SETDB1: variants seen among roughly 807,000 people sequenced by gnomAD.
SETDB1 encodes the protein histone-lysine N-methyltransferase SETDB1.
Under a neutral mutation model 137.4 loss-of-function variants are expected in SETDB1, and 31 were observed. The observed-to-expected ratio is 0.23, with a 90% confidence interval of 0.17 to 0.30. The LOEUF is 0.30. Ranked by LOEUF, SETDB1 falls within the 10% of genes least tolerant of loss-of-function variation. SETDB1 has a pLI of 1.00. For synonymous variants in SETDB1, 548 were observed against 579.9 expected (o/e 0.95, Z 0.79); for missense variants, 1,113 against 1,631.5 (o/e 0.68, Z 5.47).
chr1:150,947,963 G>A (rs948827645), intron 10 of SETDB1, among the ~76,000 whole-genome samples: 11 of 152,040 alleles, frequency 7.2e-5, no homozygotes, highest in Non-Finnish European at 1.3e-4. Flanking sequence ...CCAGCATGGT[G>A]GCTCGTGTCT....
rs752257291 is a variant in SETDB1, at chr1:150,942,644, C to T, written c.629C>T (p.Thr210Ile). ...ATGCGAATTCTGGGCAAGAAGAGAA[C>T]TAAGACTTGGCACAAAGGCACCCTT... ...VSMRILGKKR[T>I]KTWHKGTLIA... The change falls in exon 6 of 22, where the codon ACT (threonine) becomes ATT (isoleucine). Residue 210 changes from threonine (T) to isoleucine (I), a missense_variant. By Grantham distance (89) the Thr-to-Ile change is moderately conservative. This residue lies in a region of SETDB1 where 154 missense variants were observed against 303.1 expected (regional missense o/e 0.51). Coordinates refer to ENST00000692827, the MANE Select transcript of SETDB1 (RefSeq NM_001366418.1). The T allele has an allele frequency of 1.2e-6, 2 of 1,613,928 alleles. No homozygotes were observed. Among genetic ancestry groups the T allele is most frequent in the Non-Finnish European group, 1.7e-6 (2 of 1,179,956 alleles).
intron 3 of SETDB1, among the ~76,000 whole-genome samples, chr1:150,937,962 GC>G (rs1252140496): frequency 6.6e-6 from 1 of 152,142 alleles, no homozygotes; most frequent in East Asian, 1.9e-4. Context: ...AGTCACGGTG[GC>G]TCATGCCTGT....
intron 3 of SETDB1, among the ~76,000 whole-genome samples, chr1:150,931,371 G>A (rs1669739656): frequency 6.6e-6 from 1 of 151,300 alleles, no homozygotes; most frequent in Non-Finnish European, 1.5e-5. Flanking sequence ...GGATCATGAG[G>A]TCAGGAGATC....
At position 150,963,793 on chromosome 1, in the gene SETDB1, ATTTCT is replaced by A. The variant is rs766267735; in HGVS notation, c.3672+56_3672+60del. The A allele has an allele frequency of 1.2e-5, 18 of 1,560,266 alleles. No individual in the cohort carries two copies. In the South Asian group the frequency reaches 1.8e-4, roughly 15 times the overall value. On this transcript the variant is annotated intron_variant, in intron 20 of 21. Coordinates refer to ENST00000692827, the MANE Select transcript of SETDB1 (RefSeq NM_001366418.1). ...TGCTGGATTATCCCATGGTCCTCAGATTTCTTTTAACATACTCTATAAGCCCTTTT... is the reference window on the plus strand; with the variant it reads ...TGCTGGATTATCCCATGGTCCTCAGATTTAACATACTCTATAAGCCCTTTT...
At chr1:150,931,284 G>T (rs1412170091) in intron 3 of SETDB1, among the ~76,000 whole-genome samples, 2 of 80,912 alleles carry the variant, frequency 2.5e-5, no homozygotes, top group African/African-American at 8.0e-5. Context: ...AAAAAAAAGG[G>T]TTTCCAGAAC....
rs1669578483 is a variant in SETDB1, at chr1:150,927,739, G to A, written c.25G>A (p.Gly9Ser). 6.2e-7 allele frequency: 1 copy of A among 1,613,960 alleles called. No individual in the cohort carries two copies. The highest frequency in any genetic ancestry group is 1.3e-5 in the African/African-American group (1 of 74,936). MSSLPGCI[G>S]LDAATATVES... is the part of the protein sequence containing the mutation. ...CATGTCTTCCCTTCCTGGGTGCATT[G>A]GTTTGGATGCAGCAACAGCTACAGT... The change falls in exon 2 of 22, where the codon GGT (glycine) becomes AGT (serine). Residue 9 changes from glycine (G) to serine (S), a missense_variant. Physicochemically the swap from Gly to Ser is moderately conservative, Grantham distance 56. Around this residue, in one of 11 missense-constraint regions of SETDB1, gnomAD observed 32 missense variants for 26.3 expected, o/e 1.22. Transcript: ENST00000692827.
chr1:150,961,057 G>C lies in SETDB1; in HGVS notation c.2998G>C (p.Asp1000His). The C allele has an allele frequency of 1.4e-6, 2 of 1,472,194 alleles. No homozygotes were observed. Among genetic ancestry groups the C allele is most frequent in the Middle Eastern group, 1.9e-4 (1 of 5,340 alleles). 91.2% of individuals were successfully genotyped at this position (1,472,194 alleles called of 1,614,324 possible). Residue 1000 changes from aspartate to histidine, a missense_variant, in exon 16 of 22, where the codon GAT (aspartate) becomes CAT (histidine). Coordinates refer to ENST00000692827, the MANE Select transcript of SETDB1 (RefSeq NM_001366418.1). ...CAGTGAAGGTGGTTTTGCTGACTCT[G>C]ATAGCCATTCATCCTTCAAGACTAA... ...SVSEGGFADSDSHSSFKTNEG... is the reference protein window; with the variant it reads ...SVSEGGFADSHSHSSFKTNEG...
Position 150,941,180 on chromosome 1 carries a change from G to A in SETDB1, c.448-149G>A, listed in dbSNP as rs1670138575. ...CTCCATATCAAAAAAAAAGAGTAAG[G>A]GCAGCTTTGCCAGATAAAGTAACCA... On this transcript the variant is annotated intron_variant, in intron 4 of 21. Coordinates refer to ENST00000692827, the MANE Select transcript of SETDB1 (RefSeq NM_001366418.1). The A allele has an allele frequency of 7.2e-6, 4 of 554,994 alleles. No homozygotes were observed. In the South Asian group the frequency reaches 8.8e-5, roughly 12 times the overall value. The allele number at this position is 554,994 out of a possible 1,614,324, so 34.4% of individuals were successfully genotyped here.
intron 12 of SETDB1, 75 bp downstream of exon 12, chr1:150,949,600 T>C: frequency 2.2e-6 from 3 of 1,335,668 alleles, no homozygotes; most frequent in Non-Finnish European, 3.2e-6. Context: ...TCCTTGGCTG[T>C]AAGCGAAGGG....
intron 7 of SETDB1, 133 bp from the exon 8 acceptor site, chr1:150,943,787 T>A (rs1670234694): frequency 1.7e-6 from 1 of 585,870 alleles, no homozygotes; most frequent in Non-Finnish European, 3.1e-6. Context: ...AAGAAAGTAG[T>A]GGACTGGATT....
intron 14 of SETDB1, among the ~76,000 whole-genome samples, chr1:150,956,745 C>G (rs893133718): frequency 2.0e-5 from 3 of 151,160 alleles, no homozygotes; most frequent in Non-Finnish European, 4.4e-5. Context: ...GGGAAATAAT[C>G]TCTTTTTTTT....
intron 4 of SETDB1, among the ~76,000 whole-genome samples, chr1:150,940,569 G>GA (rs750914457): frequency 4.4e-3 from 517 of 116,770 alleles, no homozygotes; most frequent in African/African-American, 8.0e-3. Flanking sequence ...CTCTGTCTCA[G>GA]AAAAAAAAAA....
Position 150,959,198 on chromosome 1 carries a change from G to T in SETDB1, c.2354G>T (p.Arg785Leu), listed in dbSNP as rs1200589286. The T allele has an allele frequency of 6.3e-7, 1 of 1,580,398 alleles. No individual in the cohort carries two copies. Among genetic ancestry groups the T allele is most frequent in the African/African-American group, 1.4e-5 (1 of 72,936 alleles). Residue 785 changes from arginine (R) to leucine (L), a missense_variant, in exon 15 of 22, where the codon CGC (arginine) becomes CTC (leucine). Arg to Leu is a moderately radical substitution (Grantham distance 102). This residue lies in a region of SETDB1 where 81 missense variants were observed against 123.4 expected (regional missense o/e 0.66). Coordinates refer to ENST00000692827, the MANE Select transcript of SETDB1 (RefSeq NM_001366418.1). The stretch of plus-strand genomic sequence containing the variant: ...CCCAGGGTATATGAGTGTAACAAAC[G>T]CTGCAAATGTGACCCAAACATGTGC... ...LPTGVYECNK[R>L]CKCDPNMCTN...
At chr1:150,938,183 T>C (rs1302117914) in intron 3 of SETDB1, among the ~76,000 whole-genome samples, 3 of 147,534 alleles carry the variant, frequency 2.0e-5, no homozygotes, top group Non-Finnish European at 4.4e-5. Context: ...ATCACACTAC[T>C]GCACTCCAGT....
Position 150,964,573 on chromosome 1 carries a change from G to A in SETDB1, c.*209G>A, listed in dbSNP as rs1571668105. 4.3e-6 allele frequency: 3 copies of A among 697,502 alleles called. No individual in the cohort carries two copies. The highest frequency in any genetic ancestry group is 5.4e-5 in the East Asian group (2 of 37,188). 43.2% of individuals were successfully genotyped at this position (697,502 alleles called of 1,614,324 possible). On this transcript the variant is annotated 3_prime_UTR_variant, in exon 22 of 22. Coordinates refer to ENST00000692827, the MANE Select transcript of SETDB1 (RefSeq NM_001366418.1). ...TCCACCTCCAAAGGCCCTAAAGGGTGGGGAGAGATCACCACTCTAACCTCG... is the reference window on the plus strand; with the variant it reads ...TCCACCTCCAAAGGCCCTAAAGGGTAGGGAGAGATCACCACTCTAACCTCG...
chr1:150,938,618 C>T (rs1670020119), intron 3 of SETDB1, among the ~76,000 whole-genome samples: 1 of 152,030 alleles, frequency 6.6e-6, no homozygotes, highest in Admixed American at 6.6e-5. Context: ...ATTCTCCTGC[C>T]TCAGCCTCCC....
In SETDB1 at chr1:150,964,530, A is replaced by AT; in HGVS notation, c.*166_*167insT. 1 of 708,078 alleles carries AT rather than the reference A, an allele frequency of 1.4e-6. No individual in the cohort carries two copies. Among genetic ancestry groups the AT allele is most frequent in the Non-Finnish European group, 2.6e-6 (1 of 389,066 alleles). The allele number at this position is 708,078 out of a possible 1,614,324, so 43.9% of individuals were successfully genotyped here. A position where few individuals can be genotyped will look rare whatever the true frequency, so the allele number is the denominator to read the frequency against. On this transcript the variant is annotated 3_prime_UTR_variant, in exon 22 of 22. Transcript: ENST00000692827. ...AGATGATCCCTTCCAATGTGGTGCT[A>AT]GCAGGCAGGATCCCTTCTCCACCTC...
Position 150,964,480 on chromosome 1 carries a change from T to C in SETDB1, c.*116T>C, listed in dbSNP as rs1309108396. ...GCTAGCTACTCCCCCCAGCTCCTAG[T>C]TGATAGAAATGGGGGTTCTGGACCA... On this transcript the variant is annotated 3_prime_UTR_variant, in exon 22 of 22. Transcript: ENST00000692827. 5.2e-6 allele frequency: 4 copies of C among 765,512 alleles called. No individual in the cohort carries two copies. Among genetic ancestry groups the C allele is most frequent in the Non-Finnish European group, 9.2e-6 (4 of 433,132 alleles). The allele number at this position is 765,512 out of a possible 1,614,324, so 47.4% of individuals were successfully genotyped here.
chr1:150,961,245 C>G, intron 16 of SETDB1, 54 bp downstream of exon 16: 1 of 1,548,574 alleles, frequency 6.5e-7, no homozygotes, highest in African/African-American at 1.4e-5. Flanking sequence ...GGTGCAGTAA[C>G]AATGCAGTCT....
Sources: gnomAD v4.1 joint callset for allele counts (sites outside exome capture counted in the v4.1 genomes callset) on GRCh38, gnomAD v4.1.1 for gene constraint, gnomAD v4.1.1 regional missense constraint, MANE v1.5 for transcripts, NCBI Gene and HGNC (gene_info 2026-07-23, HGNC 2026-07-21) for gene names.